USP39: variants seen among roughly 807,000 people sequenced by gnomAD.
The protein encoded by USP39 is ubiquitin specific peptidase 39, also known as ubiquitin carboxyl-terminal hydrolase 39.
In USP39, 38 loss-of-function variants were observed where a neutral mutation model predicts 66.4. That is an observed-to-expected ratio of 0.57 (90% confidence interval 0.44 to 0.75). The LOEUF is 0.75. Ranked by LOEUF, USP39 falls within the 30% of genes least tolerant of loss-of-function variation. USP39 has a pLI of 0.00. For missense variants in USP39, 608 were observed against 714.4 expected, an observed-to-expected ratio of 0.85 and a Z score of 1.70; for synonymous variants, 303 against 274.6, an observed-to-expected ratio of 1.10 and a Z score of -1.02.
chr2:85,643,318 G>A (rs376625236), intron 10 of USP39, among the ~76,000 whole-genome samples: 4 of 151,980 alleles, frequency 2.6e-5, no homozygotes, highest in East Asian at 2.0e-4. Context: ...GTGAAACCCC[G>A]TCTCTACTAA....
At chr2:85,636,981 C>T (rs1675824671) in intron 7 of USP39, among the ~76,000 whole-genome samples, 1 of 152,188 alleles carries the variant, frequency 6.6e-6, no homozygotes, top group African/African-American at 2.4e-5. Context: ...CTCTTGTCTT[C>T]ATTACAGTTT....
At chr2:85,642,233 C>T (rs1282050170) in intron 10 of USP39, among the ~76,000 whole-genome samples, 1 of 152,158 alleles carries the variant, frequency 6.6e-6, no homozygotes, top group Non-Finnish European at 1.5e-5. Flanking sequence ...TTCTTTTTCT[C>T]TTTTTCTACA....
chr2:85,609,261 T>C (rs2104146426), upstream of USP39, among the ~76,000 whole-genome samples: 1 of 152,324 alleles, frequency 6.6e-6, no homozygotes, highest in Middle Eastern at 3.4e-3. Context: ...CTACTGAGAA[T>C]CACTGTGAGA....
chr2:85,641,039 C>T lies in USP39; in HGVS notation c.1348C>T (p.Leu450=). ...RFQLTKLPPY[L]IFCIKRFTKN... Reference sequence around the variant, plus strand: ...CCAGCTTACCAAGTTGCCTCCATATCTAATCTTTTGTATCAAGAGATTCAC... The same window carrying T: ...CCAGCTTACCAAGTTGCCTCCATATTTAATCTTTTGTATCAAGAGATTCAC... The change falls in exon 10 of 13, where the codon CTA becomes TTA. Residue 450 remains leucine, a synonymous_variant. Coordinates refer to ENST00000323701, the MANE Select transcript of USP39 (RefSeq NM_006590.4). The T allele has an allele frequency of 6.2e-7, 1 of 1,613,842 alleles. No individual in the cohort carries two copies. The highest frequency in any genetic ancestry group is 1.1e-5 in the South Asian group (1 of 91,052).
chr2:85,609,078 G>A, upstream of USP39: 1 of 1,613,836 alleles, frequency 6.2e-7, no homozygotes, highest in Non-Finnish European at 8.5e-7. Flanking sequence ...CTACGTGGAG[G>A]AAGAGTCAGA....
At chr2:85,628,144 G>GTGAA (rs1049606135) in intron 5 of USP39, among the ~76,000 whole-genome samples, 3 of 151,926 alleles carry the variant, frequency 2.0e-5, no homozygotes, top group Non-Finnish European at 4.4e-5. Flanking sequence ...TCATGGCTGC[G>GTGAA]TGAAAACTGA....
Position 85,639,192 on chromosome 2 carries a change from T to C in USP39, c.1096-11T>C. The C allele has an allele frequency of 1.2e-6, 2 of 1,608,724 alleles. No homozygotes were observed. The highest frequency in any genetic ancestry group is 3.4e-5 in the Admixed American group (2 of 59,334). ...ACTCCTTTCCTCTCTTTTCTTCTCATTCATTTCTAGCCAGCAGAAGAAAAA... is the reference window on the plus strand; with the variant it reads ...ACTCCTTTCCTCTCTTTTCTTCTCACTCATTTCTAGCCAGCAGAAGAAAAA... On this transcript the variant is annotated splice_polypyrimidine_tract_variant and intron_variant, in intron 8 of 12. Coordinates refer to ENST00000323701, the MANE Select transcript of USP39 (RefSeq NM_006590.4).
At chr2:85,629,279 T>C (rs1675126354) in intron 5 of USP39, among the ~76,000 whole-genome samples, 1 of 151,968 alleles carries the variant, frequency 6.6e-6, no homozygotes, top group Non-Finnish European at 1.5e-5. Flanking sequence ...CTGGCAGGTC[T>C]TGGACTCCTG....
At chr2:85,619,391 T>A in intron 2 of USP39, 102 bp downstream of exon 2, 1 of 1,231,488 alleles carries the variant, frequency 8.1e-7, no homozygotes, top group South Asian at 1.3e-5. Context: ...ACTTTACTTT[T>A]TTTGAACCTG....
intron 10 of USP39, among the ~76,000 whole-genome samples, chr2:85,643,921 G>A (rs1454533359): frequency 1.3e-5 from 2 of 151,978 alleles, no homozygotes; most frequent in Non-Finnish European, 2.9e-5. Context: ...CCAAAGTGTT[G>A]GGATTACAGG....
upstream of USP39, among the ~76,000 whole-genome samples, chr2:85,613,586 C>T (rs546024103): frequency 6.6e-6 from 1 of 152,296 alleles, no homozygotes; most frequent in African/African-American, 2.4e-5. Context: ...AGATCTGTAG[C>T]TCAACAACAT....
upstream of USP39, chr2:85,609,600 C>A (rs1368494068): frequency 1.2e-6 from 2 of 1,613,856 alleles, no homozygotes; most frequent in Admixed American, 3.3e-5. Context: ...GAAGGATGAA[C>A]CACAGTAAGA....
At chr2:85,643,796 C>T (rs942100579) in intron 10 of USP39, among the ~76,000 whole-genome samples, 1 of 151,766 alleles carries the variant, frequency 6.6e-6, no homozygotes, top group Admixed American at 6.6e-5. Flanking sequence ...TACAGGTGCA[C>T]GCCGCCACGC....
rs1673944515 is a variant in USP39 at position 85,616,359 on chromosome 2, A to C, written c.164A>C (p.Glu55Ala). 1.2e-6 allele frequency: 2 copies of C among 1,601,478 alleles called. No homozygotes were observed. The highest frequency in any genetic ancestry group is 2.7e-5 in the African/African-American group (2 of 74,394). Residue 55 changes from glutamate (E) to alanine (A), a missense_variant, in exon 1 of 13, where the codon GAG becomes GCG. Glu to Ala is a moderately radical substitution (Grantham distance 107, BLOSUM62 -1). Coordinates refer to ENST00000323701, the MANE Select transcript of USP39 (RefSeq NM_006590.4). Reference protein sequence around the residue: ...GSPVRVKREFEPASAREAPAS... With the variant: ...GSPVRVKREFAPASAREAPAS... Reference sequence around the variant, plus strand: ...CCTGTGCGCGTGAAGCGGGAGTTCGAGCCGGCGAGCGCGCGCGAGGCCCCG... The same window carrying C: ...CCTGTGCGCGTGAAGCGGGAGTTCGCGCCGGCGAGCGCGCGCGAGGCCCCG...
chr2:85,644,832 C>A, intron 10 of USP39, 116 bp from the exon 11 acceptor site: 1 of 1,404,002 alleles, frequency 7.1e-7, no homozygotes. Flanking sequence ...CAAGCCTACC[C>A]AGAGAAAGGG....
chr2:85,631,313 C>CTT (rs57173306), intron 6 of USP39, among the ~76,000 whole-genome samples: 10,423 of 126,180 alleles, frequency 0.083, 560 homozygotes, highest in Non-Finnish European at 0.12. Flanking sequence ...TGCGCCCGGC[C>CTT]TTTTTTTTTT....
upstream of USP39, among the ~76,000 whole-genome samples, chr2:85,613,181 AGACATC>A (rs1346849331): frequency 6.6e-6 from 1 of 152,026 alleles, no homozygotes; most frequent in African/African-American, 2.4e-5. Context: ...CAACACAGCG[AGACATC>A]GTCTCTACAA....
At chr2:85,609,580 G>A (rs767795582), upstream of USP39, 9 of 1,614,182 alleles carry the variant, frequency 5.6e-6, 2 homozygotes, top group South Asian at 6.6e-5. Flanking sequence ...TGGGTGGGCA[G>A]AGACATCTGG....
intron 10 of USP39, among the ~76,000 whole-genome samples, chr2:85,642,285 G>C (rs1215274965): frequency 6.6e-6 from 1 of 152,166 alleles, no homozygotes. Context: ...GAATTAAATG[G>C]GGGGACATGG....
Sources: allele counts gnomAD v4.1 joint callset (sites outside exome capture counted in the v4.1 genomes callset), GRCh38; gene constraint gnomAD v4.1.1; transcripts MANE v1.5; gene names NCBI Gene and HGNC (gene_info 2026-07-23, HGNC 2026-07-21).